The following QTMAN variants were observed in gnomAD, a reference collection of about 807,000 sequenced individuals.
QTMAN encodes the protein queuosine-tRNA mannosyltransferase.
At chr2:144,224,428 A>G in the QTMAN span, among the ~76,000 whole-genome samples, 3 of 152,332 alleles carry the variant, frequency 2.0e-5, no homozygotes, top group East Asian at 3.9e-4. Flanking sequence ...ATTAGGTAAC[A>G]AAGCAAATGG....
the QTMAN span, among the ~76,000 whole-genome samples, chr2:144,273,838 G>C: frequency 2.0e-5 from 3 of 152,108 alleles, no homozygotes; most frequent in Admixed American, 2.0e-4. Flanking sequence ...GTGTGACATT[G>C]TGATAAGAAA....
chr2:143,994,733 G>C, the QTMAN span, among the ~76,000 whole-genome samples: 1 of 152,108 alleles, frequency 6.6e-6, no homozygotes, highest in Non-Finnish European at 1.5e-5. Context: ...CCTGGGTCAG[G>C]GGTGAAAACA....
At chr2:144,002,452 G>A in the QTMAN span, among the ~76,000 whole-genome samples, 1 of 151,882 alleles carries the variant, frequency 6.6e-6, no homozygotes, top group African/African-American at 2.4e-5. Flanking sequence ...TGTCACTCAA[G>A]GAGAAACAAG....
chr2:144,234,786 G>T, the QTMAN span, among the ~76,000 whole-genome samples: 1 of 152,148 alleles, frequency 6.6e-6, no homozygotes, highest in South Asian at 2.1e-4. Flanking sequence ...TTTTGTTCAC[G>T]GCCACAGAAT....
the QTMAN span, among the ~76,000 whole-genome samples, chr2:143,989,160 T>C: frequency 6.6e-6 from 1 of 152,006 alleles, no homozygotes; most frequent in Non-Finnish European, 1.5e-5. Flanking sequence ...TTGGTGTTTT[T>C]AATCCTTACA....
the QTMAN span, among the ~76,000 whole-genome samples, chr2:144,262,227 AC>A: frequency 2.0e-5 from 3 of 152,096 alleles, no homozygotes; most frequent in Non-Finnish European, 4.4e-5. Context: ...CACCATTACC[AC>A]AGACAATGGA....
chr2:144,150,828 T>C, the QTMAN span, among the ~76,000 whole-genome samples: 1 of 152,160 alleles, frequency 6.6e-6, no homozygotes, highest in African/African-American at 2.4e-5. Flanking sequence ...ATATCACCCA[T>C]AACTATTCCA....
the QTMAN span, among the ~76,000 whole-genome samples, chr2:144,295,118 C>G: frequency 1.5e-4 from 23 of 152,286 alleles, no homozygotes; most frequent in African/African-American, 4.8e-4. Flanking sequence ...AAACCAATCT[C>G]CCTGAAAGCT....
chr2:144,277,523 C>T, the QTMAN span, among the ~76,000 whole-genome samples: 1 of 151,942 alleles, frequency 6.6e-6, no homozygotes, highest in Non-Finnish European at 1.5e-5. Flanking sequence ...TACCCTAATG[C>T]AAAACTGTGA....
At chr2:144,155,893 T>C in the QTMAN span, among the ~76,000 whole-genome samples, 1 of 151,736 alleles carries the variant, frequency 6.6e-6, no homozygotes, top group Non-Finnish European at 1.5e-5. Context: ...AAGCTGTTCC[T>C]GACAACCATG....
At chr2:144,029,721 ATTC>A in the QTMAN span, among the ~76,000 whole-genome samples, 2 of 152,194 alleles carry the variant, frequency 1.3e-5, no homozygotes, top group African/African-American at 4.8e-5. Context: ...CAAAATTTTC[ATTC>A]TTAAGATTGC....
the QTMAN span, among the ~76,000 whole-genome samples, chr2:144,027,882 T>C: frequency 6.6e-6 from 1 of 152,202 alleles, no homozygotes; most frequent in Non-Finnish European, 1.5e-5. Context: ...GCTCGAGTTC[T>C]GGTTGGTGGA....
At chr2:144,021,399 A>G in the QTMAN span, among the ~76,000 whole-genome samples, 1 of 152,332 alleles carries the variant, frequency 6.6e-6, no homozygotes, top group Non-Finnish European at 1.5e-5. Context: ...CAAGTCTCTT[A>G]CGTACCCTTT....
the QTMAN span, chr2:144,145,541 G>A: frequency 6.5e-7 from 1 of 1,540,762 alleles, no homozygotes; most frequent in Non-Finnish European, 8.9e-7. Context: ...GGTAGCAAAG[G>A]GCCAAATATA....
the QTMAN span, among the ~76,000 whole-genome samples, chr2:144,204,013 T>C: frequency 6.6e-6 from 1 of 152,076 alleles, no homozygotes; most frequent in African/African-American, 2.4e-5. Flanking sequence ...GATTAAAGAC[T>C]TAAATGTTAG....
chr2:144,305,334 C>G, the QTMAN span, among the ~76,000 whole-genome samples: 2 of 152,134 alleles, frequency 1.3e-5, no homozygotes, highest in Non-Finnish European at 2.9e-5. Context: ...ACACAGTTAT[C>G]CCAGCACCAT....
chr2:144,080,609 G>A, the QTMAN span, among the ~76,000 whole-genome samples: 4 of 152,094 alleles, frequency 2.6e-5, no homozygotes, highest in East Asian at 5.8e-4. Flanking sequence ...TTAAAATGTT[G>A]CTCACTGAAT....
At chr2:144,155,834 TTAAAG>T in the QTMAN span, among the ~76,000 whole-genome samples, 3 of 152,048 alleles carry the variant, frequency 2.0e-5, no homozygotes, top group African/African-American at 4.8e-5. Context: ...ACTATAATAA[TTAAAG>T]TAATCATGAC....
chr2:144,170,260 T>A, the QTMAN span, among the ~76,000 whole-genome samples: 7 of 152,104 alleles, frequency 4.6e-5, no homozygotes, highest in African/African-American at 1.7e-4. Context: ...CTGTGAAGAG[T>A]CTGAGATTCT....
Sources: allele counts gnomAD v4.1 joint callset (sites outside exome capture counted in the v4.1 genomes callset), GRCh38; gene constraint gnomAD v4.1.1; transcripts MANE v1.5; gene names NCBI Gene and HGNC (gene_info 2026-07-23, HGNC 2026-07-21).